Variants in RALYL observed in about 807,000 individuals in gnomAD.
RALYL encodes the protein RALY RNA binding protein like.
Under a neutral mutation model 35.1 loss-of-function variants are expected in RALYL, and 29 were observed. The ratio of observed to expected loss-of-function variants is 0.83; its 90% CI spans 0.61 to 1.13. RALYL has a LOEUF of 1.13. Among genes scored for constraint, RALYL ranks in the 50% most tolerant of loss-of-function variants. RALYL has a pLI of 0.00. For synonymous variants in RALYL, 120 were observed against 127.6 expected, an observed-to-expected ratio of 0.94 and a Z score of 0.40; for missense variants, 359 against 360.4, an observed-to-expected ratio of 1.00 and a Z score of 0.03.
At chr8:84,826,102 G>A (rs979887223) in intron 4 of RALYL, among the ~76,000 whole-genome samples, 1 of 151,766 alleles carries the variant, frequency 6.6e-6, no homozygotes, top group African/African-American at 2.4e-5. Context: ...GCTAAACATT[G>A]GCTACTCATG....
intron 8 of RALYL, among the ~76,000 whole-genome samples, chr8:84,910,498 C>T (rs747223204): frequency 6.6e-6 from 1 of 151,944 alleles, no homozygotes; most frequent in South Asian, 2.1e-4. Context: ...CTAAATGAGA[C>T]AGCTTTCAAA....
At chr8:84,786,009 G>A (rs568527289) in intron 3 of RALYL, among the ~76,000 whole-genome samples, 40 of 152,272 alleles carry the variant, frequency 2.6e-4, no homozygotes, top group Admixed American at 7.2e-4. Flanking sequence ...AGGCCCGAGT[G>A]TGTTTTGTTC....
intron 7 of RALYL, among the ~76,000 whole-genome samples, chr8:84,886,582 A>T (rs1842945341): frequency 1.3e-5 from 2 of 152,192 alleles, no homozygotes; most frequent in Non-Finnish European, 2.9e-5. Flanking sequence ...AATAGTCATG[A>T]ACACATGGGA....
intron 1 of RALYL, among the ~76,000 whole-genome samples, chr8:84,481,679 A>G (rs2054057249): frequency 6.6e-6 from 1 of 152,210 alleles, no homozygotes; most frequent in African/African-American, 2.4e-5. Context: ...ACATTGATAA[A>G]TACTACAGGC....
intron 2 of RALYL, among the ~76,000 whole-genome samples, chr8:84,605,958 A>G (rs1817041667): frequency 6.6e-6 from 1 of 152,120 alleles, no homozygotes; most frequent in African/African-American, 2.4e-5. Flanking sequence ...TGTGAGATTC[A>G]TTAATCTGCA....
At chr8:84,863,836 T>C (rs1198697990) in intron 6 of RALYL, among the ~76,000 whole-genome samples, 1 of 152,202 alleles carries the variant, frequency 6.6e-6, no homozygotes, top group Non-Finnish European at 1.5e-5. Context: ...TAATTATGTA[T>C]TCATGTATCT....
intron 7 of RALYL, among the ~76,000 whole-genome samples, chr8:84,873,863 C>T (rs1049495024): frequency 2.0e-5 from 3 of 152,292 alleles, no homozygotes; most frequent in Middle Eastern, 3.4e-3. Context: ...AGTTCAGGAA[C>T]ATCAAGACTA....
intron 2 of RALYL, among the ~76,000 whole-genome samples, chr8:84,599,964 C>A (rs1452074299): frequency 8.1e-5 from 12 of 147,246 alleles, no homozygotes; most frequent in African/African-American, 3.0e-4. Context: ...TATGAACTCT[C>A]ATGACCTAGC....
At chr8:84,858,188 A>C (rs1403951512) in intron 5 of RALYL, among the ~76,000 whole-genome samples, 6 of 152,152 alleles carry the variant, frequency 3.9e-5, no homozygotes, top group Admixed American at 3.9e-4. Context: ...AAATAAGAAA[A>C]GGGTACATAG....
rs1554614840 is a variant in RALYL, at chr8:84,311,090, A to AAAT, written c.-24+126667_-24+126668insATA. Among the ~76,000 whole-genome samples the AAAT allele has an allele frequency of 1.2e-3, 124 of 99,762 alleles. 10 individuals carry two copies. The highest frequency in any genetic ancestry group is 3.7e-3 in the Admixed American group (30 of 8,218). The allele number at this position is 99,762 out of a possible 152,430, so 65.4% of individuals were successfully genotyped here. ...AAAAAAAAAAAAAAAAAAAAAAAAA[A>AAAT]ATGTATATTAATGTATAGTATAAAT... On this transcript the variant is annotated intron_variant, in intron 1 of 8. Coordinates refer to ENST00000521268, the MANE Select transcript of RALYL (RefSeq NM_173848.7).
intron 1 of RALYL, among the ~76,000 whole-genome samples, chr8:84,373,266 C>T (rs977342460): frequency 1.1e-4 from 17 of 151,698 alleles, no homozygotes; most frequent in South Asian, 2.1e-4. Flanking sequence ...AAATTGCTTT[C>T]GGCATCTTCA....
intron 1 of RALYL, among the ~76,000 whole-genome samples, chr8:84,193,919 A>G (rs1218460654): frequency 3.3e-5 from 5 of 152,170 alleles, no homozygotes; most frequent in Admixed American, 3.3e-4. Flanking sequence ...ATCTGGGCTG[A>G]GAAAGAGAGC....
intron 2 of RALYL, among the ~76,000 whole-genome samples, chr8:84,713,655 A>C (rs1244476561): frequency 6.6e-6 from 1 of 151,948 alleles, no homozygotes; most frequent in Non-Finnish European, 1.5e-5. Flanking sequence ...TAGTACAACC[A>C]TTATGGAAAA....
intron 1 of RALYL, among the ~76,000 whole-genome samples, chr8:84,288,836 C>A (rs926324991): frequency 6.6e-6 from 1 of 151,844 alleles, no homozygotes; most frequent in Non-Finnish European, 1.5e-5. Context: ...TTTTTGCTAT[C>A]GTAAATAATG....
chr8:84,293,109 C>A (rs1032716235), intron 1 of RALYL, among the ~76,000 whole-genome samples: 1 of 151,950 alleles, frequency 6.6e-6, no homozygotes, highest in African/African-American at 2.4e-5. Context: ...ACGTGGATGG[C>A]AGAAATGAAA....
chr8:84,552,946 G>T (rs1437355384), intron 2 of RALYL, among the ~76,000 whole-genome samples: 2 of 151,954 alleles, frequency 1.3e-5, no homozygotes, highest in South Asian at 4.2e-4. Context: ...CCTGAGGTAG[G>T]GGTTGAATGG....
Position 84,478,324 on chromosome 8 carries a change from G to A in RALYL, c.-23-50975G>A, listed in dbSNP as rs528440736. On this transcript the variant is annotated intron_variant, in intron 1 of 8. Transcript: ENST00000521268. ...GTCCCAGAGAGTGAGAATTTGTCGC[G>A]AAATGGAGGAAAGACAAAGATGAAT... is the stretch of plus-strand genomic sequence containing the variant. 1.4e-4 allele frequency among the ~76,000 whole-genome samples: 21 copies of A among 152,160 alleles called. 1 individual carries two copies. In the South Asian group the frequency reaches 3.5e-3, roughly 26 times the overall value.
chr8:84,527,380 T>G (rs2134880523), intron 1 of RALYL, among the ~76,000 whole-genome samples: 1 of 152,342 alleles, frequency 6.6e-6, no homozygotes, highest in East Asian at 1.9e-4. Flanking sequence ...ACCACCGGGC[T>G]CTGTAAACCA....
intron 2 of RALYL, among the ~76,000 whole-genome samples, chr8:84,742,800 A>G (rs528638968): frequency 3.5e-4 from 54 of 152,162 alleles, no homozygotes; most frequent in African/African-American, 1.2e-3. Flanking sequence ...CTGTCCTTCA[A>G]GCAGTCCGGT....
Sources: allele counts gnomAD v4.1 joint callset (sites outside exome capture counted in the v4.1 genomes callset), GRCh38; gene constraint gnomAD v4.1.1; transcripts MANE v1.5; gene names NCBI Gene and HGNC (gene_info 2026-07-23, HGNC 2026-07-21).